The following MKRN2 variants were observed in gnomAD, a reference collection of about 807,000 sequenced individuals.
The protein encoded by MKRN2 is E3 ubiquitin-protein ligase makorin-2.
Under a neutral mutation model 45.4 loss-of-function variants are expected in MKRN2, and 32 were observed. The observed-to-expected ratio is 0.70, with a 90% CI of 0.53 to 0.95. The LOEUF (loss-of-function observed/expected upper bound fraction) is 0.95. MKRN2 is among the 40% of genes least tolerant of loss of function. The pLI is 0.00. For synonymous variants in MKRN2, 206 were observed against 192.4 expected (o/e 1.07, Z -0.59); for missense variants, 526 against 536.7 (o/e 0.98, Z 0.20).
chr3:12,575,089 C>T (rs1189748069), intron 5 of MKRN2, 83 bp downstream of exon 5: 36 of 1,307,862 alleles, frequency 2.8e-5, no homozygotes, highest in Admixed American at 1.6e-4. Context: ...TTAAGCCCTC[C>T]GTTACCCTCA....
At chr3:12,561,963 G>A (rs2125300126) in intron 1 of MKRN2, among the ~76,000 whole-genome samples, 1 of 152,186 alleles carries the variant, frequency 6.6e-6, no homozygotes, top group East Asian at 1.9e-4. Context: ...GTGGGTCCCA[G>A]TATACAGCTG....
chr3:12,570,415 G>T (rs2058091678), intron 3 of MKRN2, among the ~76,000 whole-genome samples, 163 bp downstream of exon 3: 1 of 152,108 alleles, frequency 6.6e-6, no homozygotes, highest in Non-Finnish European at 1.5e-5. Context: ...GGCTCCATGT[G>T]GCTGCAGATC....
rs186828500 is a variant in MKRN2 at position 12,565,766 on chromosome 3, C to G, written c.27-3109C>G. ...TGTTGCCCAGTCTCATCTCAAACTCCTGAGCTCAAGCAATCCACTCACCTT... is the reference window on the plus strand; with the variant it reads ...TGTTGCCCAGTCTCATCTCAAACTCGTGAGCTCAAGCAATCCACTCACCTT... On this transcript the variant is annotated intron_variant, in intron 1 of 7. Coordinates refer to ENST00000170447, the MANE Select transcript of MKRN2 (RefSeq NM_014160.5). 6.9e-3 allele frequency among the ~76,000 whole-genome samples: 1,048 copies of G among 152,246 alleles called. 6 individuals carry two copies. The highest frequency in any genetic ancestry group is 0.024 in the African/African-American group (987 of 41,552).
intron 6 of MKRN2, among the ~76,000 whole-genome samples, chr3:12,580,286 A>G (rs1326115048): frequency 6.6e-6 from 1 of 152,230 alleles, no homozygotes; most frequent in Non-Finnish European, 1.5e-5. Flanking sequence ...GTTGTCCAGC[A>G]GGCTCTGGTG....
rs879627346 is a variant in MKRN2 at position 12,583,310 on chromosome 3, A to AATC, written c.*1058_*1060dup. 27 of 154,458 alleles carry AATC rather than the reference A, an allele frequency of 1.7e-4. No homozygotes were observed. The highest frequency in any genetic ancestry group is 6.0e-4 in the African/African-American group (25 of 41,526). The allele number at this position is 154,458 out of a possible 1,614,324, so 9.6% of individuals were successfully genotyped here. A position where few individuals can be genotyped will look rare whatever the true frequency, so the allele number is the denominator to read the frequency against. The stretch of plus-strand genomic sequence containing the variant: ...GCTTGTTCCAAGCTGGAATTTATCT[A>AATC]ATCTATTTTTGTGTTTAAAAAAGCT... On this transcript the variant is annotated 3_prime_UTR_variant, in exon 8 of 8. Transcript: ENST00000170447.
In MKRN2 at chr3:12,574,892, AG is replaced by A; in HGVS notation, c.745del (p.Ala249ProfsTer45). The A allele has an allele frequency of 6.2e-7, 1 of 1,614,206 alleles. No individual in the cohort carries two copies. Among genetic ancestry groups the A allele is most frequent in the Non-Finnish European group, 8.5e-7 (1 of 1,179,992 alleles). On this transcript the variant is annotated frameshift_variant, in exon 5 of 8. Transcript: ENST00000170447. LOFTEE classifies it high-confidence loss of function. ...ATCTGCATGGAAGTGATCCTGGAGAAGGCCTCTGCTTCTGAGAGGAGATTTG... is the reference window on the plus strand; with the variant it reads ...ATCTGCATGGAAGTGATCCTGGAGAAGCCTCTGCTTCTGAGAGGAGATTTG... ...CSICMEVILE[K>X]ASASERRFGI...
chr3:12,576,960 G>GTTTTTTT (rs2058144412), intron 6 of MKRN2: 1 of 135,260 alleles, frequency 7.4e-6, no homozygotes, highest in African/African-American at 2.2e-4. Flanking sequence ...TTTTTTTTCG[G>GTTTTTTT]TGAGATAGGG....
rs141167483 is a variant in MKRN2, at chr3:12,572,437, G to A, written c.642+64G>A. The A allele has an allele frequency of 8.8e-5, 126 of 1,437,998 alleles. 1 individual carries two copies. In the African/African-American group the frequency reaches 1.5e-3, roughly 17 times the overall value. The allele number at this position is 1,437,998 out of a possible 1,614,324, so 89.1% of individuals were successfully genotyped here. On this transcript the variant is annotated intron_variant, in intron 4 of 7. Coordinates refer to ENST00000170447, the MANE Select transcript of MKRN2 (RefSeq NM_014160.5). ...ATCTGAAATGTACTGAACAGGACAC[G>A]GAAGGCCATCCATATACACTCAAGA...
chr3:12,569,201 G>T (rs1311273890), intron 2 of MKRN2, among the ~76,000 whole-genome samples, 198 bp downstream of exon 2: 1 of 150,414 alleles, frequency 6.6e-6, no homozygotes, highest in Non-Finnish European at 1.5e-5. Flanking sequence ...TCTCACTGTT[G>T]CCCAGGCTGG....
intron 6 of MKRN2, 182 bp downstream of exon 6, chr3:12,576,923 TAG>T: frequency 3.0e-6 from 1 of 338,248 alleles, no homozygotes; most frequent in Non-Finnish European, 5.4e-6. Flanking sequence ...TGGACCTGTT[TAG>T]TTTTGGTGTT....
chr3:12,581,874 T>C lies in MKRN2; in HGVS notation c.1035T>C (p.Tyr345=). 1 of 1,614,192 alleles carries C rather than the reference T, an allele frequency of 6.2e-7. No homozygotes were observed. The highest frequency in any genetic ancestry group is 8.5e-7 in the Non-Finnish European group (1 of 1,180,034). ...GCCCATTTGGAAGCAAATGTCTTTA[T>C]CGCCATGCTTACCCCGATGGGCGGC... is the stretch of plus-strand genomic sequence containing the variant. ...GTCPFGSKCL[Y]RHAYPDGRLA... Residue 345 remains tyrosine, a synonymous_variant, in exon 7 of 8, where the codon TAT becomes TAC. Coordinates refer to ENST00000170447, the MANE Select transcript of MKRN2 (RefSeq NM_014160.5).
chr3:12,583,548 G>A lies in MKRN2; in HGVS notation c.*1295G>A, dbSNP rs1285528183. On this transcript the variant is annotated 3_prime_UTR_variant, in exon 8 of 8. Coordinates refer to ENST00000170447, the MANE Select transcript of MKRN2 (RefSeq NM_014160.5). ...GCTCCTGAAGAGGGTGAACAAATGG[G>A]GCATTCAAGTTGTGAGCTCAGAATT... The A allele has an allele frequency of 4.6e-6, 1 of 215,620 alleles. No individual in the cohort carries two copies. The highest frequency in any genetic ancestry group is 2.3e-5 in the African/African-American group (1 of 44,288). 13.4% of individuals were successfully genotyped at this position (215,620 alleles called of 1,614,324 possible).
At chr3:12,579,086 T>G (rs941390057) in intron 6 of MKRN2, among the ~76,000 whole-genome samples, 20 of 152,178 alleles carry the variant, frequency 1.3e-4, no homozygotes, top group Non-Finnish European at 2.8e-4. Context: ...GACTGTGTTT[T>G]TTGCAATCCA....
At chr3:12,566,688 C>T (rs1231672357) in intron 1 of MKRN2, among the ~76,000 whole-genome samples, 3 of 152,108 alleles carry the variant, frequency 2.0e-5, no homozygotes, top group Non-Finnish European at 4.4e-5. Flanking sequence ...CTGCAACCTC[C>T]GCCTCCAGGG....
intron 3 of MKRN2, among the ~76,000 whole-genome samples, chr3:12,571,107 T>C (rs900620610): frequency 1.3e-4 from 13 of 99,112 alleles, no homozygotes; most frequent in Admixed American, 1.2e-3. Flanking sequence ...AGTTTTTTTG[T>C]TGTGTTTTTT....
At position 12,581,826 on chromosome 3, in the gene MKRN2, C is replaced by T; in HGVS notation, c.987C>T (p.Tyr329=). ...KQGMGKKACK[Y]FEQGKGTCPF... ...TTTTCAGGAAAAAAGCCTGTAAATA[C>T]TTTGAGCAAGGCAAGGGGACCTGCC... Residue 329 remains tyrosine (Y), a synonymous_variant, in exon 7 of 8, where the codon TAC becomes TAT. Coordinates refer to ENST00000170447, the MANE Select transcript of MKRN2 (RefSeq NM_014160.5). 6.2e-7 allele frequency: 1 copy of T among 1,614,148 alleles called. No individual in the cohort carries two copies. Among genetic ancestry groups the T allele is most frequent in the Non-Finnish European group, 8.5e-7 (1 of 1,180,026 alleles).
intron 1 of MKRN2, among the ~76,000 whole-genome samples, chr3:12,562,559 G>A (rs2058044709): frequency 6.6e-6 from 1 of 152,116 alleles, no homozygotes; most frequent in Non-Finnish European, 1.5e-5. Flanking sequence ...GTCTGATCTA[G>A]TGCAGTGGTC....
At chr3:12,568,509 C>G (rs1045786836) in intron 1 of MKRN2, among the ~76,000 whole-genome samples, 1 of 152,182 alleles carries the variant, frequency 6.6e-6, no homozygotes, top group Non-Finnish European at 1.5e-5. Flanking sequence ...GAGCCCAGAT[C>G]TTCTGGTTTC....
chr3:12,565,281 G>A (rs902676093), intron 1 of MKRN2, among the ~76,000 whole-genome samples: 2 of 152,070 alleles, frequency 1.3e-5, no homozygotes, highest in African/African-American at 4.8e-5. Context: ...AGCCTCTTTT[G>A]TATTTATTTG....
Sources: gnomAD v4.1 joint callset for allele counts (sites outside exome capture counted in the v4.1 genomes callset) on GRCh38, gnomAD v4.1.1 for gene constraint, MANE v1.5 for transcripts, NCBI Gene and HGNC (gene_info 2026-07-23, HGNC 2026-07-21) for gene names.